The following DNAJC3 variants were observed in gnomAD, a reference collection of about 807,000 sequenced individuals.
DNAJC3 encodes dnaJ homolog subfamily C member 3.
In DNAJC3, 38 loss-of-function variants were observed where a neutral mutation model predicts 68.6. The observed-to-expected ratio is 0.55, with a 90% CI of 0.43 to 0.73. DNAJC3 has a LOEUF of 0.73. DNAJC3 is among the 30% of genes least tolerant of loss of function. The pLI is 0.00. For missense variants in DNAJC3, 526 were observed against 591.9 expected (o/e 0.89, Z 1.16); for synonymous variants, 203 against 204.0 (o/e 1.00, Z 0.04).
At chr13:95,678,409 C>G (rs1353011432) in intron 1 of DNAJC3, among the ~76,000 whole-genome samples, 1 of 151,962 alleles carries the variant, frequency 6.6e-6, no homozygotes, top group African/African-American at 2.4e-5. Context: ...TAGGTGTCAC[C>G]CATAGCAATG....
At chr13:95,754,266 G>A (rs779646766) in intron 4 of DNAJC3, among the ~76,000 whole-genome samples, 11 of 152,232 alleles carry the variant, frequency 7.2e-5, no homozygotes, top group Non-Finnish European at 1.5e-4. Context: ...GTGTTTGACT[G>A]TTGGCCAAAG....
In DNAJC3 at chr13:95,791,185, A is replaced by AGAT; in HGVS notation, c.*156_*158dup. ...GAAAAAATCTGTTCTTATCCCTGTC[A>AGAT]GATTTATGGTTAATGGGTTTGCAAC... On this transcript the variant is annotated 3_prime_UTR_variant, in exon 12 of 12. Transcript: ENST00000602402. 1.2e-6 allele frequency: 1 copy of AGAT among 858,228 alleles called. No individual in the cohort carries two copies. The highest frequency in any genetic ancestry group is 1.8e-5 in the South Asian group (1 of 55,496). The allele number at this position is 858,228 out of a possible 1,614,324, so 53.2% of individuals were successfully genotyped here. A position where few individuals can be genotyped will look rare whatever the true frequency, so the allele number is the denominator to read the frequency against.
rs376208592 is a variant in DNAJC3, at chr13:95,760,217, C to G, written c.724C>G (p.Leu242Val). The G allele has an allele frequency of 6.3e-7, 1 of 1,578,928 alleles. No homozygotes were observed. Among genetic ancestry groups the G allele is most frequent in the Non-Finnish European group, 8.6e-7 (1 of 1,162,606 alleles). Residue 242 changes from leucine to valine, a missense_variant, in exon 6 of 12, where the codon CTC becomes GTC. Physicochemically the swap from Leu to Val is conservative, Grantham distance 32 (BLOSUM62 1). Coordinates refer to ENST00000602402, the MANE Select transcript of DNAJC3 (RefSeq NM_006260.5). ...YYQLGDHELSLSEVRECLKLD... is the reference protein window; with the variant it reads ...YYQLGDHELSVSEVRECLKLD... ...CCAACTAGGAGACCACGAACTGTCC[C>G]TCAGGTCAGTTCTAGTGACACACAT...
chr13:95,757,002 A>G (rs1882682282), intron 4 of DNAJC3, among the ~76,000 whole-genome samples: 1 of 152,222 alleles, frequency 6.6e-6, no homozygotes, highest in Admixed American at 6.5e-5. Flanking sequence ...TACATTTGAA[A>G]TGAGCAATTT....
At chr13:95,696,231 G>A (rs185375879) in intron 1 of DNAJC3, among the ~76,000 whole-genome samples, 16 of 152,188 alleles carry the variant, frequency 1.1e-4, no homozygotes, top group Non-Finnish European at 1.9e-4. Context: ...GATTAACCTC[G>A]CCAACATGGA....
chr13:95,701,740 T>C (rs1880591513), intron 1 of DNAJC3, among the ~76,000 whole-genome samples: 1 of 152,260 alleles, frequency 6.6e-6, no homozygotes, highest in Non-Finnish European at 1.5e-5. Context: ...CCACTAGTTA[T>C]TGAGCACTTA....
chr13:95,726,252 T>G (rs1881516368), intron 4 of DNAJC3, among the ~76,000 whole-genome samples: 1 of 152,216 alleles, frequency 6.6e-6, no homozygotes, highest in Non-Finnish European at 1.5e-5. Context: ...ATCACCACAC[T>G]GACTTCCACA....
At chr13:95,704,946 G>T (rs886281531) in intron 1 of DNAJC3, among the ~76,000 whole-genome samples, 1 of 149,994 alleles carries the variant, frequency 6.7e-6, no homozygotes, top group Non-Finnish European at 1.5e-5. Context: ...CCACCTCGTG[G>T]GTTCAAGTGA....
chr13:95,688,602 G>A (rs893448852), intron 1 of DNAJC3, among the ~76,000 whole-genome samples: 1 of 150,920 alleles, frequency 6.6e-6, no homozygotes, highest in African/African-American at 2.4e-5. Flanking sequence ...TGCAACCTAC[G>A]CCTCCCACTT....
chr13:95,736,818 C>T (rs1383512530), intron 4 of DNAJC3, among the ~76,000 whole-genome samples: 7 of 147,058 alleles, frequency 4.8e-5, no homozygotes, highest in South Asian at 2.2e-4. Flanking sequence ...TTATTTCCTT[C>T]TCCTGCCTAA....
intron 4 of DNAJC3, among the ~76,000 whole-genome samples, chr13:95,741,707 A>G (rs2139659224): frequency 6.6e-6 from 1 of 152,100 alleles, no homozygotes; most frequent in South Asian, 2.1e-4. Flanking sequence ...CGATGGCTAC[A>G]CTGTGTTGAG....
chr13:95,723,731 C>T (rs1344339752), intron 3 of DNAJC3, among the ~76,000 whole-genome samples: 2 of 152,134 alleles, frequency 1.3e-5, no homozygotes, highest in Non-Finnish European at 2.9e-5. Flanking sequence ...GCACTTAAGG[C>T]TGTACCAGGA....
chr13:95,720,020 A>C (rs1456412922), intron 2 of DNAJC3, among the ~76,000 whole-genome samples: 1 of 152,094 alleles, frequency 6.6e-6, no homozygotes, highest in Non-Finnish European at 1.5e-5. Flanking sequence ...TTTTTTCCTA[A>C]ATATTTTCAG....
In DNAJC3 at chr13:95,709,440, A is replaced by G. The variant is rs527904379; in HGVS notation, c.193+103A>G. 2.8e-4 allele frequency: 221 copies of G among 798,606 alleles called. 1 individual carries two copies. In the African/African-American group the frequency reaches 3.7e-3, roughly 13 times the overall value. The allele number at this position is 798,606 out of a possible 1,614,324, so 49.5% of individuals were successfully genotyped here. On this transcript the variant is annotated intron_variant, in intron 2 of 11. Coordinates refer to ENST00000602402, the MANE Select transcript of DNAJC3 (RefSeq NM_006260.5). ...TTAAAATAAACATTATTTCATGTTT[A>G]AATAAAACATTTAAATATATTTGTG... is the stretch of plus-strand genomic sequence containing the variant.
chr13:95,698,368 C>T (rs1297496123), intron 1 of DNAJC3, among the ~76,000 whole-genome samples: 5 of 152,188 alleles, frequency 3.3e-5, no homozygotes, highest in Non-Finnish European at 7.3e-5. Context: ...CCCCCATCCC[C>T]TGAGCTTCTG....
At chr13:95,752,024 C>T (rs1882496705) in intron 4 of DNAJC3, among the ~76,000 whole-genome samples, 1 of 152,206 alleles carries the variant, frequency 6.6e-6, no homozygotes, top group Non-Finnish European at 1.5e-5. Context: ...ATTATGGGAG[C>T]TACAATTCAA....
At chr13:95,690,432 AC>A (rs1880198021) in intron 1 of DNAJC3, among the ~76,000 whole-genome samples, 1 of 151,148 alleles carries the variant, frequency 6.6e-6, no homozygotes, top group Non-Finnish European at 1.5e-5. Flanking sequence ...TCTTTTCCCC[AC>A]CTTTCCCCCC....
intron 1 of DNAJC3, among the ~76,000 whole-genome samples, chr13:95,682,658 A>G (rs1464501798): frequency 6.6e-6 from 1 of 152,136 alleles, no homozygotes; most frequent in Admixed American, 6.5e-5. Context: ...AGGAAATGGC[A>G]TGATGTTTGG....
In DNAJC3 at chr13:95,705,497, C is replaced by G. The variant is rs146322904; in HGVS notation, c.83-3730C>G. 7.3e-5 allele frequency among the ~76,000 whole-genome samples: 11 copies of G among 151,038 alleles called. No homozygotes were observed. The East Asian group carries it at 2.1e-3, about 29-fold the overall frequency. On this transcript the variant is annotated intron_variant, in intron 1 of 11. Coordinates refer to ENST00000602402, the MANE Select transcript of DNAJC3 (RefSeq NM_006260.5). ...CTTGTTAGGTGGTCCCTCACTAATA[C>G]ATTTCTCCCTCTCTCTCTCTCTCTT...
Sources: allele counts gnomAD v4.1 joint callset (sites outside exome capture counted in the v4.1 genomes callset), GRCh38; gene constraint gnomAD v4.1.1; transcripts MANE v1.5; gene names NCBI Gene and HGNC (gene_info 2026-07-23, HGNC 2026-07-21).